SUSD5: variants seen among roughly 807,000 people sequenced by gnomAD.
The protein encoded by SUSD5 is sushi domain-containing protein 5.
A neutral mutation model predicts 29.5 loss-of-function variants in SUSD5; 33 were observed. That is an observed-to-expected ratio of 1.12 (90% CI 0.85 to 1.49). The LOEUF is 1.49. SUSD5 is among the 40% of genes most tolerant of loss of function. The pLI, the probability that SUSD5 is intolerant of heterozygous loss-of-function variation, is 0.00. For missense variants in SUSD5, 776 were observed against 800.6 expected (o/e 0.97, Z 0.37); for synonymous variants, 308 against 325.3 (o/e 0.95, Z 0.57).
chr3:33,152,978 T>A lies in SUSD5; in HGVS notation c.1654A>T (p.Ser552Cys). The A allele has an allele frequency of 4.3e-6, 7 of 1,613,914 alleles. No individual in the cohort carries two copies. The highest frequency in any genetic ancestry group is 5.9e-6 in the Non-Finnish European group (7 of 1,179,854). The change falls in exon 5 of 5, where the codon AGT becomes TGT. Residue 552 changes from serine (S) to cysteine (C), a missense_variant. Ser to Cys is a moderately radical substitution (Grantham distance 112). Coordinates refer to ENST00000309558, the MANE Select transcript of SUSD5 (RefSeq NM_015551.2). ...FGQEGPGPGA[S>C]EELHPTLESC... ...TCCAAGGTGGGATGAAGCTCCTCAC[T>A]TGCACCTGGCCCGGGGCCTTCCTGT...
Position 33,197,170 on chromosome 3 carries a change from G to A in SUSD5, c.409+10638C>T, listed in dbSNP as rs910974398. On this transcript the variant is annotated intron_variant, in intron 3 of 4. Transcript: ENST00000309558. ...TTGCACCAGGTTTAACTGGATCTTG[G>A]GGCTTGCTGCATAGGACTGGGAGGG... 2.0e-4 allele frequency among the ~76,000 whole-genome samples: 31 copies of A among 152,220 alleles called. 1 individual carries two copies. Among genetic ancestry groups the A allele is most frequent in the African/African-American group, 7.0e-4 (29 of 41,520 alleles).
chr3:33,153,690 G>GGTGTCATCATCCACCTCCTTT lies in SUSD5; in HGVS notation c.921_941dup (p.Glu309_Lys315dup). On this transcript the variant is annotated inframe_insertion, in exon 5 of 5. Coordinates refer to ENST00000309558, the MANE Select transcript of SUSD5 (RefSeq NM_015551.2). ...TGTCTCCAGCAGAAAACTGCTTTTT[G>GGTGTCATCATCCACCTCCTTT]GTGTCATCATCCACCTCCTTTTCCA... 6.8e-6 allele frequency: 11 copies of GGTGTCATCATCCACCTCCTTT among 1,613,990 alleles called. No homozygotes were observed. Among genetic ancestry groups the GGTGTCATCATCCACCTCCTTT allele is most frequent in the Non-Finnish European group, 9.3e-6 (11 of 1,179,896 alleles).
intron 3 of SUSD5, among the ~76,000 whole-genome samples, chr3:33,206,962 C>T (rs1036263779): frequency 8.5e-5 from 13 of 152,092 alleles, no homozygotes; most frequent in Non-Finnish European, 1.8e-4. Flanking sequence ...AACCTGTGCT[C>T]GTTTCTATGA....
rs755805888 is a variant in SUSD5 at position 33,152,952 on chromosome 3, C to CT, written c.1679dup (p.Ser561ValfsTer116). The CT allele has an allele frequency of 1.2e-6, 2 of 1,613,876 alleles. No homozygotes were observed. Among genetic ancestry groups the CT allele is most frequent in the East Asian group, 4.5e-5 (2 of 44,894 alleles). ...CAGGACATCCGTCCCCCACACACGA[C>CT]TCCAAGGTGGGATGAAGCTCCTCAC... is the stretch of plus-strand genomic sequence containing the variant. On this transcript the variant is annotated frameshift_variant, in exon 5 of 5. Transcript: ENST00000309558. LOFTEE classifies it high-confidence loss of function.
chr3:33,179,091 T>C (rs897793645), intron 3 of SUSD5, among the ~76,000 whole-genome samples: 7 of 152,228 alleles, frequency 4.6e-5, no homozygotes, highest in Non-Finnish European at 8.8e-5. Context: ...GGTAATTAGT[T>C]ATTGATTCAA....
chr3:33,203,116 C>G (rs942893164), intron 3 of SUSD5, among the ~76,000 whole-genome samples: 2 of 152,226 alleles, frequency 1.3e-5, no homozygotes, highest in Admixed American at 1.3e-4. Flanking sequence ...TCTGCCAAGG[C>G]GCTGCACCTT....
intron 3 of SUSD5, among the ~76,000 whole-genome samples, chr3:33,177,192 T>C (rs2031570784): frequency 6.6e-6 from 1 of 152,220 alleles, no homozygotes; most frequent in South Asian, 2.1e-4. Flanking sequence ...AAGTAGGATA[T>C]AAATAACTCC....
At position 33,218,004 on chromosome 3, in the gene SUSD5, T is replaced by G. The variant is rs565872259; in HGVS notation, c.112+682A>C. The stretch of plus-strand genomic sequence containing the variant: ...TTAGGGCAAGTATTACAAGCTAAAT[T>G]CAGGCTGAAAAACCAAGCAAACGAA... On this transcript the variant is annotated intron_variant, in intron 1 of 4. Coordinates refer to ENST00000309558, the MANE Select transcript of SUSD5 (RefSeq NM_015551.2). Among the ~76,000 whole-genome samples the G allele has an allele frequency of 7.9e-5, 12 of 152,312 alleles. No homozygotes were observed. In the East Asian group the frequency reaches 1.5e-3, roughly 20 times the overall value.
Position 33,152,929 on chromosome 3 carries a change from G to A in SUSD5, c.1703C>T (p.Pro568Leu), listed in dbSNP as rs1281223700. Residue 568 changes from proline to leucine, a missense_variant, in exon 5 of 5, where the codon CCT (proline) becomes CTT (leucine). Coordinates refer to ENST00000309558, the MANE Select transcript of SUSD5 (RefSeq NM_015551.2). The part of the protein sequence containing the change: ...TLESCVGDGC[P>L]GLSRGPVIAT... ...GATCACAGGGCCTCTGCTGAGGCCA[G>A]GACATCCGTCCCCCACACACGACTC... 6.2e-7 allele frequency: 1 copy of A among 1,613,900 alleles called. No homozygotes were observed. The highest frequency in any genetic ancestry group is 8.5e-7 in the Non-Finnish European group (1 of 1,179,898).
At chr3:33,201,980 T>A (rs1315954347) in intron 3 of SUSD5, among the ~76,000 whole-genome samples, 2 of 152,266 alleles carry the variant, frequency 1.3e-5, no homozygotes, top group Middle Eastern at 3.4e-3. Flanking sequence ...ATTCATCTCT[T>A]ACCTATCGTG....
At chr3:33,194,234 A>T (rs886479590) in intron 3 of SUSD5, among the ~76,000 whole-genome samples, 3 of 152,056 alleles carry the variant, frequency 2.0e-5, no homozygotes, top group African/African-American at 7.2e-5. Flanking sequence ...CCCCCTACCC[A>T]TCAAATTATC....
chr3:33,210,072 T>C (rs2032294842), intron 2 of SUSD5, among the ~76,000 whole-genome samples: 1 of 152,240 alleles, frequency 6.6e-6, no homozygotes, highest in Non-Finnish European at 1.5e-5. Flanking sequence ...TGTCTCCTCA[T>C]GCAACTAGTT....
At chr3:33,169,708 G>C (rs1209855350) in intron 4 of SUSD5, among the ~76,000 whole-genome samples, 2 of 152,170 alleles carry the variant, frequency 1.3e-5, no homozygotes, top group African/African-American at 2.4e-5. Context: ...TGTCAGATCA[G>C]GGAAGGGAAA....
At chr3:33,193,646 G>A (rs752820355) in intron 3 of SUSD5, among the ~76,000 whole-genome samples, 18 of 152,174 alleles carry the variant, frequency 1.2e-4, no homozygotes, top group Non-Finnish European at 1.8e-4. Flanking sequence ...CCTTTGAAGT[G>A]TTGAGTGAGT....
intron 3 of SUSD5, among the ~76,000 whole-genome samples, chr3:33,198,472 C>T (rs112704781): frequency 5.9e-5 from 9 of 152,234 alleles, no homozygotes; most frequent in African/African-American, 2.2e-4. Flanking sequence ...GTGGACTTTG[C>T]AAAAAGGACA....
chr3:33,153,982 G>A lies in SUSD5; in HGVS notation c.650C>T (p.Ser217Phe). The part of the protein sequence containing the change: ...DYEDNFPDDR[S>F]VSFRELMEDS... Reference sequence around the variant, plus strand: ...CTCCATGAGCTCTCTGAATGACACAGATCTGTCATCAGGGAAGTTATCTTC... The same window carrying A: ...CTCCATGAGCTCTCTGAATGACACAAATCTGTCATCAGGGAAGTTATCTTC... Residue 217 changes from serine to phenylalanine, a missense_variant, in exon 5 of 5, where the codon TCT (serine) becomes TTT (phenylalanine). Transcript: ENST00000309558. 1 of 1,609,986 alleles carries A rather than the reference G, an allele frequency of 6.2e-7. No homozygotes were observed. Among genetic ancestry groups the A allele is most frequent in the Non-Finnish European group, 8.5e-7 (1 of 1,178,910 alleles).
At chr3:33,171,591 C>T (rs1382815094) in intron 4 of SUSD5, among the ~76,000 whole-genome samples, 1 of 152,134 alleles carries the variant, frequency 6.6e-6, no homozygotes, top group Non-Finnish European at 1.5e-5. Context: ...TTGTGTCTTC[C>T]CTATTCCGCT....
At position 33,175,173 on chromosome 3, in the gene SUSD5, C is replaced by T. The variant is rs1039947850; in HGVS notation, c.410-99G>A. On this transcript the variant is annotated intron_variant, in intron 3 of 4. Transcript: ENST00000309558. The stretch of plus-strand genomic sequence containing the variant: ...AAACACAACTCTCCCCTGCCGCCCA[C>T]CGTACCCTCAACTGTGATCACAGGG... The T allele has an allele frequency of 1.8e-5, 23 of 1,301,246 alleles. No homozygotes were observed. In the African/African-American group the frequency reaches 2.3e-4, roughly 13 times the overall value. 80.6% of individuals were successfully genotyped at this position (1,301,246 alleles called of 1,614,324 possible). A position where few individuals can be genotyped will look rare whatever the true frequency, so the allele number is the denominator to read the frequency against.
intron 1 of SUSD5, 34 bp downstream of exon 1, chr3:33,218,652 C>A: frequency 2.8e-6 from 3 of 1,075,650 alleles, no homozygotes; most frequent in Non-Finnish European, 3.6e-6. Context: ...ACCCCACGCT[C>A]CACCCCCCGC....
Sources: gnomAD v4.1 joint callset for allele counts (sites outside exome capture counted in the v4.1 genomes callset) on GRCh38, gnomAD v4.1.1 for gene constraint, MANE v1.5 for transcripts, NCBI Gene and HGNC (gene_info 2026-07-23, HGNC 2026-07-21) for gene names.